Variants in PRPF18 observed in about 807,000 individuals in gnomAD.
PRPF18 encodes pre-mRNA-splicing factor 18.
Under a neutral mutation model 46.5 loss-of-function variants are expected in PRPF18, and 38 were observed. The ratio of observed to expected loss-of-function variants is 0.82; its 90% CI spans 0.63 to 1.07. The LOEUF is 1.07. PRPF18 is among the 50% of genes least tolerant of loss of function. The pLI, the probability that PRPF18 is intolerant of heterozygous loss-of-function variation, is 0.00. For missense variants in PRPF18, 263 were observed against 410.0 expected (o/e 0.64, Z 3.10); for synonymous variants, 152 against 146.7 (o/e 1.04, Z -0.26).
At chr10:13,587,993 C>T (rs2079901560) in intron 1 of PRPF18, among the ~76,000 whole-genome samples, 1 of 152,160 alleles carries the variant, frequency 6.6e-6, no homozygotes, top group African/African-American at 2.4e-5. Context: ...CCGACTGACC[C>T]TGTTTCCCTC....
the PRPF18 span, chr10:13,641,947 T>TA: frequency 1.3e-5 from 2 of 152,170 alleles, no homozygotes; most frequent in South Asian, 2.1e-4. Context: ...GTTTCTGATT[T>TA]AAAAAATCAA....
chr10:13,591,286 A>C (rs895469883), intron 1 of PRPF18, among the ~76,000 whole-genome samples: 1 of 152,234 alleles, frequency 6.6e-6, no homozygotes, highest in Admixed American at 6.5e-5. Context: ...TCAGTAACTT[A>C]CAGACTTTTT....
chr10:13,607,122 C>T lies in PRPF18; in HGVS notation c.363+1378C>T, dbSNP rs539570813. Among the ~76,000 whole-genome samples, 4 of 152,250 alleles carry T rather than the reference C, an allele frequency of 2.6e-5. No homozygotes were observed. In the East Asian group the frequency reaches 5.8e-4, roughly 22 times the overall value. On this transcript the variant is annotated intron_variant, in intron 4 of 9. Coordinates refer to ENST00000378572, the MANE Select transcript of PRPF18 (RefSeq NM_003675.4). ...TATTTATTTTTTTGACACAGAGTCT[C>T]ACTCCGTCACCTACGCTGGAATGCG...
At position 13,591,942 on chromosome 10, in the gene PRPF18, T is replaced by C. The variant is rs1342134573; in HGVS notation, c.66+4790T>C. 3.1e-6 allele frequency: 4 copies of C among 1,275,200 alleles called. No homozygotes were observed. In the East Asian group the frequency reaches 1.6e-4, roughly 51 times the overall value. The allele number at this position is 1,275,200 out of a possible 1,614,324, so 79.0% of individuals were successfully genotyped here. ...GTCAACTGAGGGTTTTTTTTTTTTTTTGCCATGGCTCAACAGCTTTTGAGG... is the reference window on the plus strand; with the variant it reads ...GTCAACTGAGGGTTTTTTTTTTTTTCTGCCATGGCTCAACAGCTTTTGAGG... On this transcript the variant is annotated intron_variant, in intron 1 of 9. Transcript: ENST00000378572.
chr10:13,592,149 C>G (rs1589116240), intron 1 of PRPF18: 1 of 606,022 alleles, frequency 1.7e-6, no homozygotes, highest in Non-Finnish European at 3.0e-6. Flanking sequence ...CATAGCACAT[C>G]GGGAATACCT....
chr10:13,645,116 T>G, the PRPF18 span: 1 of 134,790 alleles, frequency 7.4e-6, no homozygotes, highest in Admixed American at 7.5e-5. Context: ...GTCTCCAGGC[T>G]GCAGCAGAAG....
chr10:13,645,765 C>T, the PRPF18 span: 77 of 152,660 alleles, frequency 5.0e-4, no homozygotes, highest in South Asian at 0.012. Context: ...TAGGAGAAGT[C>T]GGATCTGAGC....
chr10:13,597,749 G>T (rs2080056097), intron 2 of PRPF18: 1 of 1,317,834 alleles, frequency 7.6e-7, no homozygotes, highest in Non-Finnish European at 1.0e-6. Flanking sequence ...GCTTGGAATG[G>T]TTTGGCTTTT....
rs532652424 is a variant in PRPF18, at chr10:13,628,669, G to A, written c.949-1591G>A. Among the ~76,000 whole-genome samples the A allele has an allele frequency of 1.1e-4, 17 of 152,094 alleles. No individual in the cohort carries two copies. In the South Asian group the frequency reaches 2.5e-3, roughly 22 times the overall value. Reference sequence around the variant, plus strand: ...AATATTTGTGTTGTCTGCTTACTATGGGACCAATGAGATTTTGCAGGGATT... The same window carrying A: ...AATATTTGTGTTGTCTGCTTACTATAGGACCAATGAGATTTTGCAGGGATT... On this transcript the variant is annotated intron_variant, in intron 9 of 9. Coordinates refer to ENST00000378572, the MANE Select transcript of PRPF18 (RefSeq NM_003675.4).
At chr10:13,612,392 C>A (rs977612459) in intron 6 of PRPF18, among the ~76,000 whole-genome samples, 2 of 151,970 alleles carry the variant, frequency 1.3e-5, no homozygotes, top group African/African-American at 4.8e-5. Context: ...CCTGCCTCAG[C>A]CTCTCAAGTA....
chr10:13,626,212 G>A (rs2080502519), intron 9 of PRPF18, among the ~76,000 whole-genome samples: 1 of 152,166 alleles, frequency 6.6e-6, no homozygotes, highest in Non-Finnish European at 1.5e-5. Flanking sequence ...GGAGCTGCAG[G>A]GATGTCATGC....
At chr10:13,640,914 TC>T in the PRPF18 span, 1 of 152,574 alleles carries the variant, frequency 6.6e-6, no homozygotes, top group Admixed American at 6.5e-5. Flanking sequence ...TCTATCCTGA[TC>T]CTACCCTGCT....
intron 4 of PRPF18, among the ~76,000 whole-genome samples, chr10:13,607,128 G>A (rs998766537): frequency 7.9e-5 from 12 of 152,108 alleles, no homozygotes; most frequent in African/African-American, 2.9e-4. Context: ...GTCTCACTCC[G>A]TCACCTACGC....
intron 6 of PRPF18, among the ~76,000 whole-genome samples, chr10:13,613,186 A>G (rs539961556): frequency 2.8e-4 from 42 of 151,764 alleles, no homozygotes; most frequent in African/African-American, 8.2e-4. Context: ...TCTGTTTCCT[A>G]CTTCCAGGAA....
chr10:13,592,605 C>T (rs1367719672), intron 1 of PRPF18, among the ~76,000 whole-genome samples: 1 of 152,174 alleles, frequency 6.6e-6, no homozygotes, highest in Middle Eastern at 3.2e-3. Flanking sequence ...TACCACCTGT[C>T]CTAAAGTGCC....
chr10:13,641,395 T>G, the PRPF18 span: 1 of 152,132 alleles, frequency 6.6e-6, no homozygotes, highest in Non-Finnish European at 1.5e-5. Context: ...GACATCCACG[T>G]GGGGATATTG....
At chr10:13,588,606 C>T (rs1035441928) in intron 1 of PRPF18, among the ~76,000 whole-genome samples, 1 of 151,562 alleles carries the variant, frequency 6.6e-6, no homozygotes, top group African/African-American at 2.4e-5. Flanking sequence ...TAATAAAATT[C>T]CTTTCTAATA....
At chr10:13,627,579 C>T (rs1320723959) in intron 9 of PRPF18, among the ~76,000 whole-genome samples, 1 of 152,168 alleles carries the variant, frequency 6.6e-6, no homozygotes, top group Non-Finnish European at 1.5e-5. Context: ...GATATTCTGT[C>T]CTGAGATTAC....
intron 1 of PRPF18, chr10:13,592,286 T>C: frequency 2.3e-6 from 1 of 441,386 alleles, no homozygotes; most frequent in Non-Finnish European, 4.2e-6. Flanking sequence ...GGGTTTCTTC[T>C]CTTTAGTATC....
Sources: allele counts gnomAD v4.1 joint callset (sites outside exome capture counted in the v4.1 genomes callset), GRCh38; gene constraint gnomAD v4.1.1; transcripts MANE v1.5; gene names NCBI Gene and HGNC (gene_info 2026-07-23, HGNC 2026-07-21).